Variants in WWOX observed in about 807,000 individuals in gnomAD.
WWOX encodes WW domain containing oxidoreductase.
Under a neutral mutation model 46.2 loss-of-function variants are expected in WWOX, and 69 were observed. That is an observed-to-expected ratio of 1.49 (90% CI 1.23 to 1.82). WWOX has a LOEUF of 1.82. WWOX is among the 40% of genes most tolerant of loss of function. The pLI, the probability that WWOX is intolerant of heterozygous loss-of-function variation, is 0.00. For missense variants in WWOX, 919 were observed against 542.6 expected (o/e 1.69, Z -6.89); for synonymous variants, 359 against 202.6 (o/e 1.77, Z -6.56).
intron 8 of WWOX, among the ~76,000 whole-genome samples, chr16:78,922,854 C>T (rs1479620085): frequency 6.6e-6 from 1 of 151,948 alleles, no homozygotes; most frequent in African/African-American, 2.4e-5. Flanking sequence ...AGTAATGTGG[C>T]CTATTTTCAA....
chr16:78,115,213 C>G (rs560421029), intron 4 of WWOX, 59 bp downstream of exon 4: 36 of 1,598,466 alleles, frequency 2.3e-5, no homozygotes, highest in African/African-American at 9.4e-5. Flanking sequence ...CCACTTAGAT[C>G]TAGCTATAAT....
At chr16:78,938,906 G>C (rs1482404202) in intron 8 of WWOX, among the ~76,000 whole-genome samples, 2 of 152,186 alleles carry the variant, frequency 1.3e-5, no homozygotes, top group African/African-American at 2.4e-5. Flanking sequence ...TGGAGAGTGG[G>C]AGGCCCAGTC....
At chr16:78,414,572 A>G (rs2082756431) in intron 6 of WWOX, among the ~76,000 whole-genome samples, 1 of 152,218 alleles carries the variant, frequency 6.6e-6, no homozygotes, top group Admixed American at 6.5e-5. Context: ...CTTAAAACAA[A>G]CAAACAAACA....
intron 5 of WWOX, among the ~76,000 whole-genome samples, chr16:78,370,382 G>A (rs2081645295): frequency 6.6e-6 from 1 of 152,032 alleles, no homozygotes; most frequent in African/African-American, 2.4e-5. Context: ...GTAAGAATTG[G>A]CCATCATTAA....
intron 8 of WWOX, among the ~76,000 whole-genome samples, chr16:78,882,834 A>AC (rs2044372099): frequency 6.6e-6 from 1 of 152,036 alleles, no homozygotes; most frequent in Admixed American, 6.6e-5. Flanking sequence ...ATTTAAAAAA[A>AC]AAAAAAAGGG....
chr16:78,159,970 C>G (rs1386964456), intron 4 of WWOX, among the ~76,000 whole-genome samples: 1 of 151,928 alleles, frequency 6.6e-6, no homozygotes, highest in African/African-American at 2.4e-5. Flanking sequence ...CTCTGTCATT[C>G]TTGCTAGCCC....
In WWOX at chr16:78,444,759, T is replaced by A. The variant is rs544331215; in HGVS notation, c.1056+12007T>A. On this transcript the variant is annotated intron_variant, in intron 8 of 8. Transcript: ENST00000566780. Reference sequence around the variant, plus strand: ...GTTAGCCAGGATGGTCTCGATCTCCTGACCTCATGATCCACCCGCCTCGGC... The same window carrying A: ...GTTAGCCAGGATGGTCTCGATCTCCAGACCTCATGATCCACCCGCCTCGGC... Among the ~76,000 whole-genome samples, 3 of 152,182 alleles carry A rather than the reference T, an allele frequency of 2.0e-5. No individual in the cohort carries two copies. In the South Asian group the frequency reaches 6.2e-4, roughly 32 times the overall value.
chr16:79,075,339 G>GA (rs1166383753), intron 8 of WWOX, among the ~76,000 whole-genome samples: 4 of 151,824 alleles, frequency 2.6e-5, no homozygotes, highest in South Asian at 2.1e-4. Flanking sequence ...CACAGGAAGG[G>GA]AAAAAAAATC....
intron 8 of WWOX, among the ~76,000 whole-genome samples, chr16:79,162,299 A>G (rs1207165391): frequency 6.6e-6 from 1 of 152,202 alleles, no homozygotes; most frequent in Non-Finnish European, 1.5e-5. Flanking sequence ...CTAAGGCGGA[A>G]TTTACTTCTT....
chr16:78,316,430 C>T (rs1393935761), intron 5 of WWOX, among the ~76,000 whole-genome samples: 4 of 152,032 alleles, frequency 2.6e-5, no homozygotes, highest in Non-Finnish European at 4.4e-5. Context: ...AACCTCCGAC[C>T]CCCCTGGGTT....
chr16:78,326,489 C>G (rs1029293656), intron 5 of WWOX, among the ~76,000 whole-genome samples: 18 of 145,242 alleles, frequency 1.2e-4, no homozygotes, highest in African/African-American at 4.1e-4. Context: ...AATGTAAATA[C>G]TAAAATGCCA....
chr16:78,631,959 T>TTA (rs1280669745), intron 8 of WWOX, among the ~76,000 whole-genome samples: 1 of 151,938 alleles, frequency 6.6e-6, no homozygotes, highest in Non-Finnish European at 1.5e-5. Context: ...GGTGGTTTAT[T>TTA]TTTTTTTAAG....
At chr16:78,584,265 C>G (rs1597305870) in intron 8 of WWOX, among the ~76,000 whole-genome samples, 1 of 152,276 alleles carries the variant, frequency 6.6e-6, no homozygotes, top group Admixed American at 6.5e-5. Context: ...GTAAGAAGTG[C>G]TTTACATCAG....
intron 5 of WWOX, among the ~76,000 whole-genome samples, chr16:78,314,113 A>C (rs1328423449): frequency 1.3e-5 from 2 of 152,134 alleles, no homozygotes; most frequent in Non-Finnish European, 2.9e-5. Flanking sequence ...ACTTCTAAGA[A>C]AGTACAGGAG....
intron 8 of WWOX, among the ~76,000 whole-genome samples, chr16:78,689,026 A>C (rs1244197381): frequency 2.0e-5 from 3 of 152,268 alleles, no homozygotes; most frequent in Non-Finnish European, 2.9e-5. Context: ...AGCCATGCCA[A>C]ATTGTGAGTC....
At chr16:78,897,225 C>G (rs1246880315) in intron 8 of WWOX, 1 of 101,768 alleles carries the variant, frequency 9.8e-6, no homozygotes, top group Non-Finnish European at 1.8e-5. Flanking sequence ...GCCTGGGTGA[C>G]AGTGAGACTG....
chr16:78,425,135 A>G (rs2083046648), intron 7 of WWOX, 80 bp downstream of exon 7: 4 of 1,578,168 alleles, frequency 2.5e-6, no homozygotes, highest in South Asian at 1.1e-5. Flanking sequence ...CATTCTGAAA[A>G]TAATTTTCAT....
At chr16:78,645,201 G>A (rs914788066) in intron 8 of WWOX, among the ~76,000 whole-genome samples, 9 of 152,040 alleles carry the variant, frequency 5.9e-5, no homozygotes, top group Non-Finnish European at 1.0e-4. Context: ...TCTCTCCTGC[G>A]TGGTCTTGTT....
intron 1 of WWOX, among the ~76,000 whole-genome samples, chr16:78,103,154 C>T (rs1222663074): frequency 6.6e-6 from 1 of 152,038 alleles, no homozygotes; most frequent in African/African-American, 2.4e-5. Flanking sequence ...GGCCAGGGGA[C>T]TCGGGTGCAT....
Sources: gnomAD v4.1 joint callset for allele counts (sites outside exome capture counted in the v4.1 genomes callset) on GRCh38, gnomAD v4.1.1 for gene constraint, MANE v1.5 for transcripts, NCBI Gene and HGNC (gene_info 2026-07-23, HGNC 2026-07-21) for gene names.